ELP4: variants seen among roughly 807,000 people sequenced by gnomAD.
ELP4 encodes the protein elongator acetyltransferase complex subunit 4, also known as elongator complex protein 4.
In ELP4, 51 loss-of-function variants were observed where a neutral mutation model predicts 48.9. The observed-to-expected ratio is 1.04, with a 90% confidence interval of 0.83 to 1.32. The LOEUF is 1.32. ELP4 is among the 40% of genes most tolerant of loss of function. The pLI is 0.00. For missense variants in ELP4, 519 were observed against 514.6 expected, an observed-to-expected ratio of 1.01 and a Z score of -0.08; for synonymous variants, 210 against 189.2, an observed-to-expected ratio of 1.11 and a Z score of -0.90.
At chr11:31,685,528 T>C (rs1229093049) in intron 9 of ELP4, among the ~76,000 whole-genome samples, 1 of 152,236 alleles carries the variant, frequency 6.6e-6, no homozygotes, top group Non-Finnish European at 1.5e-5. Flanking sequence ...GTGATTTACA[T>C]TTGTAACAGA....
chr11:31,593,882 T>C (rs1032523553), intron 3 of ELP4, among the ~76,000 whole-genome samples: 1 of 152,188 alleles, frequency 6.6e-6, no homozygotes, highest in Non-Finnish European at 1.5e-5. Context: ...AAATATATCA[T>C]ATTAACAGTT....
intron 2 of ELP4, among the ~76,000 whole-genome samples, chr11:31,522,528 A>G (rs577137533): frequency 2.0e-5 from 3 of 152,320 alleles, no homozygotes; most frequent in Non-Finnish European, 4.4e-5. Flanking sequence ...ATGTGCCATA[A>G]TTTATTGTAA....
At chr11:31,620,107 G>T (rs912031689) in intron 5 of ELP4, among the ~76,000 whole-genome samples, 1 of 152,020 alleles carries the variant, frequency 6.6e-6, no homozygotes, top group Non-Finnish European at 1.5e-5. Context: ...TCATCTAGGA[G>T]AGTGAGGATA....
chr11:31,705,984 C>G (rs116100683), intron 9 of ELP4, among the ~76,000 whole-genome samples: 1,794 of 152,170 alleles, frequency 0.012, 33 homozygotes, highest in African/African-American at 0.042. Flanking sequence ...TCCTGAGTAA[C>G]TAGGACTGCA....
chr11:31,711,534 T>G (rs990793918), intron 9 of ELP4, among the ~76,000 whole-genome samples: 1 of 152,202 alleles, frequency 6.6e-6, no homozygotes, highest in Admixed American at 6.5e-5. Context: ...TAAAACTAAT[T>G]TAATCTTTTA....
intron 1 of ELP4, among the ~76,000 whole-genome samples, chr11:31,513,436 C>T (rs1450529986): frequency 1.3e-5 from 2 of 152,168 alleles, no homozygotes; most frequent in Non-Finnish European, 2.9e-5. Flanking sequence ...AAGGCTATTA[C>T]TATGAACCAA....
rs1040021276 is a variant in ELP4 at position 31,784,834 on chromosome 11, A to G, written c.*1310A>G. 1.1e-5 allele frequency: 2 copies of G among 176,896 alleles called. No individual in the cohort carries two copies. Among genetic ancestry groups the G allele is most frequent in the African/African-American group, 4.7e-5 (2 of 42,246 alleles). 11.0% of individuals were successfully genotyped at this position (176,896 alleles called of 1,614,324 possible). A position where few individuals can be genotyped will look rare whatever the true frequency, so the allele number is the denominator to read the frequency against. ...ATTCAGAATTAGAATAATTGAATCA[A>G]TGACAGTGATTTGCCAGGATGTCAA... is the stretch of plus-strand genomic sequence containing the variant. On this transcript the variant is annotated 3_prime_UTR_variant, in exon 10 of 10. Coordinates refer to ENST00000640961, the MANE Select transcript of ELP4 (RefSeq NM_019040.5).
rs537337192 is a variant in ELP4 at position 31,539,337 on chromosome 11, C to T, written c.260-325C>T. ...AAAATTAGCCGGGCCTGGTGGCAGGCGCCTGCTACTCGGGAGGCTGAGGCA... is the reference window on the plus strand; with the variant it reads ...AAAATTAGCCGGGCCTGGTGGCAGGTGCCTGCTACTCGGGAGGCTGAGGCA... On this transcript the variant is annotated intron_variant, in intron 2 of 9. Transcript: ENST00000640961. Among the ~76,000 whole-genome samples the T allele has an allele frequency of 5.3e-5, 8 of 152,210 alleles. No individual in the cohort carries two copies. In the East Asian group the frequency reaches 1.2e-3, roughly 22 times the overall value.
At chr11:31,517,693 T>C (rs1956141316) in intron 1 of ELP4, among the ~76,000 whole-genome samples, 1 of 152,172 alleles carries the variant, frequency 6.6e-6, no homozygotes, top group South Asian at 2.1e-4. Context: ...CTCAGCTCCC[T>C]GCAACCTCCC....
intron 1 of ELP4, chr11:31,510,271 A>G: frequency 3.6e-6 from 2 of 557,504 alleles, no homozygotes; most frequent in South Asian, 5.1e-5. Context: ...GAATTCGTAC[A>G]TGCTTTTTAC....
chr11:31,666,722 A>T (rs1420255837), intron 9 of ELP4, among the ~76,000 whole-genome samples: 2 of 150,758 alleles, frequency 1.3e-5, no homozygotes, highest in African/African-American at 4.9e-5. Flanking sequence ...TTCCTTATGT[A>T]GACTTAATTA....
At chr11:31,681,254 G>A (rs1946045764) in intron 9 of ELP4, among the ~76,000 whole-genome samples, 1 of 152,156 alleles carries the variant, frequency 6.6e-6, no homozygotes, top group Non-Finnish European at 1.5e-5. Flanking sequence ...TGTATAATTA[G>A]GCTTGGTTCT....
In ELP4 at chr11:31,789,090, A is replaced by G. The variant is rs1948996324; in HGVS notation, c.*5566A>G. 1 of 202,520 alleles carries G rather than the reference A, an allele frequency of 4.9e-6. No individual in the cohort carries two copies. Among genetic ancestry groups the G allele is most frequent in the African/African-American group, 2.3e-5 (1 of 43,698 alleles). The allele number at this position is 202,520 out of a possible 1,614,324, so 12.5% of individuals were successfully genotyped here. A position where few individuals can be genotyped will look rare whatever the true frequency, so the allele number is the denominator to read the frequency against. On this transcript the variant is annotated 3_prime_UTR_variant, in exon 10 of 10. Transcript: ENST00000640961. ...AACTCTAGATGCACAAAATGATTGG[A>G]CCGTGAACAGTAATACAACTATATC... is the stretch of plus-strand genomic sequence containing the variant.
intron 9 of ELP4, among the ~76,000 whole-genome samples, chr11:31,660,559 T>C (rs1945532966): frequency 6.6e-6 from 1 of 152,160 alleles, no homozygotes; most frequent in Non-Finnish European, 1.5e-5. Flanking sequence ...GACTATATAC[T>C]TGATATAAAT....
At chr11:31,597,654 C>T (rs1428471125) in intron 4 of ELP4, among the ~76,000 whole-genome samples, 1 of 152,140 alleles carries the variant, frequency 6.6e-6, no homozygotes, top group Non-Finnish European at 1.5e-5. Flanking sequence ...TCACTGCAAC[C>T]TCCGCCTCCC....
intron 9 of ELP4, among the ~76,000 whole-genome samples, chr11:31,690,796 CTTTTT>C (rs10653769): frequency 2.7e-5 from 3 of 109,594 alleles, no homozygotes; most frequent in Non-Finnish European, 5.6e-5. Flanking sequence ...GTTTTTTTTC[CTTTTT>C]TTTTTTTTTT....
rs568273932 is a variant in ELP4 at position 31,627,262 on chromosome 11, G to C, written c.738+68G>C. 8.4e-5 allele frequency: 18 copies of C among 214,804 alleles called. 1 individual carries two copies. Among genetic ancestry groups the C allele is most frequent in the African/African-American group, 2.9e-5 (1 of 34,580 alleles). 13.3% of individuals were successfully genotyped at this position (214,804 alleles called of 1,614,324 possible). A position where few individuals can be genotyped will look rare whatever the true frequency, so the allele number is the denominator to read the frequency against. On this transcript the variant is annotated intron_variant, in intron 6 of 9. Transcript: ENST00000640961. ...GTTGTTTTCAAATTCTCTGGGGGGGGGGGCGGGAACCCAGAAGTTTTAGAA... is the reference window on the plus strand; with the variant it reads ...GTTGTTTTCAAATTCTCTGGGGGGGCGGGCGGGAACCCAGAAGTTTTAGAA...
chr11:31,565,407 G>T (rs1366267048), intron 3 of ELP4, among the ~76,000 whole-genome samples: 128 of 141,402 alleles, frequency 9.1e-4, no homozygotes, highest in South Asian at 1.3e-3. Flanking sequence ...TTTGGCTTTT[G>T]TTGCCATTGC....
intron 3 of ELP4, among the ~76,000 whole-genome samples, chr11:31,548,113 C>T (rs1956769250): frequency 6.6e-6 from 1 of 152,118 alleles, no homozygotes; most frequent in Admixed American, 6.6e-5. Context: ...TCCTATTCAA[C>T]ATAGTGTTGG....
Sources: gnomAD v4.1 joint callset for allele counts (sites outside exome capture counted in the v4.1 genomes callset) on GRCh38, gnomAD v4.1.1 for gene constraint, MANE v1.5 for transcripts, NCBI Gene and HGNC (gene_info 2026-07-23, HGNC 2026-07-21) for gene names.